The following DOP1A variants were observed in gnomAD, a reference collection of about 807,000 sequenced individuals.
DOP1A encodes protein DOP1A.
DOP1A carries 90 observed loss-of-function variants against 267.6 expected under a neutral mutation model. The ratio of observed to expected loss-of-function variants is 0.34; its 90% confidence interval spans 0.28 to 0.40. The LOEUF (loss-of-function observed/expected upper bound fraction) is 0.40. Among genes scored for constraint, DOP1A ranks in the 10% least tolerant of loss-of-function variants. DOP1A has a pLI of 1.00. For synonymous variants in DOP1A, 932 were observed against 999.1 expected, an observed-to-expected ratio of 0.93 and a Z score of 1.27; for missense variants, 2,437 against 2,900.4, an observed-to-expected ratio of 0.84 and a Z score of 3.67.
chr6:83,083,296 T>C (rs1241981247), intron 1 of DOP1A, among the ~76,000 whole-genome samples: 3 of 152,132 alleles, frequency 2.0e-5, no homozygotes, highest in Non-Finnish European at 4.4e-5. Flanking sequence ...TTTACATTAT[T>C]ATAGTTTTTT....
intron 1 of DOP1A, among the ~76,000 whole-genome samples, chr6:83,071,982 G>C (rs940661536): frequency 1.4e-4 from 21 of 152,096 alleles, no homozygotes; most frequent in African/African-American, 4.8e-4. Flanking sequence ...AGGTAATAAA[G>C]TTAAAATAAT....
intron 21 of DOP1A, 132 bp downstream of exon 21, chr6:83,139,294 T>G: frequency 1.5e-6 from 1 of 670,226 alleles, no homozygotes; most frequent in South Asian, 2.5e-5. Flanking sequence ...GTGTATTACT[T>G]TCCACAAAAA....
At chr6:83,118,747 A>G (rs1775874589) in intron 7 of DOP1A, 141 bp from the exon 8 acceptor site, 2 of 522,916 alleles carry the variant, frequency 3.8e-6, no homozygotes, top group Admixed American at 6.7e-5. Context: ...AAATGGAAGT[A>G]ATATCCTGTG....
chr6:83,068,505 A>G (rs768216003), intron 1 of DOP1A, among the ~76,000 whole-genome samples: 18 of 152,176 alleles, frequency 1.2e-4, no homozygotes, highest in Non-Finnish European at 2.1e-4. Flanking sequence ...TTAGAGTTCT[A>G]TGGCGTTTGA....
intron 1 of DOP1A, among the ~76,000 whole-genome samples, chr6:83,070,784 A>G (rs572140941): frequency 6.6e-6 from 1 of 151,890 alleles, no homozygotes; most frequent in Non-Finnish European, 1.5e-5. Flanking sequence ...TGGCAAACAT[A>G]TAGCAGGCAC....
At chr6:83,135,560 A>G in intron 19 of DOP1A, 59 bp from the exon 20 acceptor site, 1 of 1,496,684 alleles carries the variant, frequency 6.7e-7, no homozygotes, top group Non-Finnish European at 9.0e-7. Flanking sequence ...TAATTTTATA[A>G]AAGAGTGTGA....
chr6:83,127,489 C>T (rs1252390452), intron 15 of DOP1A, among the ~76,000 whole-genome samples: 1 of 152,118 alleles, frequency 6.6e-6, no homozygotes, highest in Non-Finnish European at 1.5e-5. Flanking sequence ...CTTAGAGGGC[C>T]TTGAGCTGTT....
At chr6:83,115,845 A>G (rs999420863) in intron 7 of DOP1A, among the ~76,000 whole-genome samples, 5 of 151,906 alleles carry the variant, frequency 3.3e-5, no homozygotes, top group African/African-American at 9.7e-5. Flanking sequence ...AACATCTTCT[A>G]CTTTCTGCTT....
At chr6:83,113,488 T>C in intron 7 of DOP1A, 67 bp downstream of exon 7, 2 of 1,323,146 alleles carry the variant, frequency 1.5e-6, no homozygotes, top group Non-Finnish European at 2.2e-6. Context: ...AATGTGTAGT[T>C]ATTTTTTAAA....
chr6:83,072,707 G>C (rs1310536147), intron 1 of DOP1A, among the ~76,000 whole-genome samples: 2 of 152,138 alleles, frequency 1.3e-5, no homozygotes, highest in African/African-American at 2.4e-5. Flanking sequence ...TTTTTCAGTT[G>C]CTTTTGATTG....
intron 6 of DOP1A, among the ~76,000 whole-genome samples, chr6:83,112,981 T>A (rs1774822012): frequency 6.6e-6 from 1 of 152,184 alleles, no homozygotes; most frequent in Non-Finnish European, 1.5e-5. Context: ...TGAAGCTCTT[T>A]AATGACAAGG....
Position 83,140,092 on chromosome 6 carries a change from C to T in DOP1A, c.5213C>T (p.Pro1738Leu), listed in dbSNP as rs1412737195. Residue 1738 changes from proline (P) to leucine (L), a missense_variant, in exon 22 of 39, where the codon CCA (proline) becomes CTA (leucine). Transcript: ENST00000349129. ...ATTATCCATTACTGTTTGTTGGATC[C>T]AACTACACAGTATCACCAAGTAAGA... is the stretch of plus-strand genomic sequence containing the variant. ...TAIIHYCLLD[P>L]TTQYHQLLVS... is the part of the protein sequence containing the mutation. The T allele has an allele frequency of 6.2e-7, 1 of 1,612,642 alleles. No individual in the cohort carries two copies. The highest frequency in any genetic ancestry group is 8.5e-7 in the Non-Finnish European group (1 of 1,178,980).
At chr6:83,113,169 TTATA>T (rs759838609) in intron 6 of DOP1A, among the ~76,000 whole-genome samples, 150 bp from the exon 7 acceptor site, 47 of 152,240 alleles carry the variant, frequency 3.1e-4, no homozygotes, top group Admixed American at 1.4e-3. Context: ...TAAACCATCA[TTATA>T]TATATACTAT....
chr6:83,128,809 C>G, intron 15 of DOP1A, 78 bp from the exon 16 acceptor site: 3 of 1,468,740 alleles, frequency 2.0e-6, no homozygotes, highest in Non-Finnish European at 2.7e-6. Context: ...TCTAAAACAT[C>G]TCAAAAGTGG....
At chr6:83,164,473 A>G (rs1263527056) in intron 38 of DOP1A, among the ~76,000 whole-genome samples, 1 of 152,046 alleles carries the variant, frequency 6.6e-6, no homozygotes, top group Non-Finnish European at 1.5e-5. Context: ...GAATTTTTAT[A>G]AGACCCCCCT....
Position 83,140,053 on chromosome 6 carries a change from A to G in DOP1A, c.5174A>G (p.Glu1725Gly). The change falls in exon 22 of 39, where the codon GAA (glutamate) becomes GGA (glycine). Residue 1725 changes from glutamate (E) to glycine (G), a missense_variant. Physicochemically the swap from Glu to Gly is moderately conservative, Grantham distance 98. Coordinates refer to ENST00000349129, the MANE Select transcript of DOP1A (RefSeq NM_015018.4). ...CCAGATATGATTCTTACTCTTTTGG[A>G]AGGGATTACAGCCATTATCCATTAC... ...IPPDMILTLL[E>G]GITAIIHYCL... 1.9e-6 allele frequency: 3 copies of G among 1,613,682 alleles called. No homozygotes were observed. Among genetic ancestry groups the G allele is most frequent in the Non-Finnish European group, 2.5e-6 (3 of 1,179,774 alleles).
At chr6:83,169,648 G>T (rs1203037856), downstream of DOP1A, 1 of 471,172 alleles carries the variant, frequency 2.1e-6, no homozygotes, top group Admixed American at 2.4e-5. Flanking sequence ...TAATGCCTCT[G>T]TTGCCATCTC....
intron 13 of DOP1A, 91 bp downstream of exon 13, chr6:83,124,910 T>A (rs1223011051): frequency 3.8e-6 from 4 of 1,066,058 alleles, no homozygotes; most frequent in Non-Finnish European, 5.5e-6. Context: ...ATACATTTCA[T>A]CTTTAAAATT....
intron 1 of DOP1A, among the ~76,000 whole-genome samples, chr6:83,071,329 C>T (rs1475193280): frequency 1.3e-5 from 2 of 152,098 alleles, no homozygotes; most frequent in Non-Finnish European, 2.9e-5. Flanking sequence ...GCCTCAGCCT[C>T]CTGATTAGCT....
Sources: gnomAD v4.1 joint callset for allele counts (sites outside exome capture counted in the v4.1 genomes callset) on GRCh38, gnomAD v4.1.1 for gene constraint, MANE v1.5 for transcripts, NCBI Gene and HGNC (gene_info 2026-07-23, HGNC 2026-07-21) for gene names.